Variants in ISM2 observed in about 807,000 individuals in gnomAD.
The protein encoded by ISM2 is isthmin 2, also known as isthmin-2.
Under a neutral mutation model 58.0 loss-of-function variants are expected in ISM2, and 50 were observed. The observed-to-expected ratio is 0.86, with a 90% CI of 0.69 to 1.09. The LOEUF (loss-of-function observed/expected upper bound fraction) is 1.09. Among genes scored for constraint, ISM2 ranks in the 50% least tolerant of loss-of-function variants. The pLI is 0.00. For missense variants in ISM2, 723 were observed against 745.0 expected, an observed-to-expected ratio of 0.97 and a Z score of 0.34; for synonymous variants, 303 against 312.4, an observed-to-expected ratio of 0.97 and a Z score of 0.32.
chr14:77,482,590 G>A lies in ISM2; in HGVS notation c.705C>T (p.Pro235=). 2 of 1,611,852 alleles carry A rather than the reference G, an allele frequency of 1.2e-6. No individual in the cohort carries two copies. Among genetic ancestry groups the A allele is most frequent in the Non-Finnish European group, 1.7e-6 (2 of 1,178,920 alleles). ...CGGGCAGCCAGCTAAGGGTATCCTG[G>A]GGCGGGGGATTGCTGGGCTCAGCCA... ...DLLAEPSNPP[P]QDTLSWLPAL... is the part of the protein sequence containing the mutation. Residue 235 remains proline, a synonymous_variant, in exon 4 of 7, where the codon CCC becomes CCT. Transcript: ENST00000342219.
At chr14:77,478,200 C>T (rs1176229195) in intron 6 of ISM2, 42 bp downstream of exon 6, 3 of 1,544,590 alleles carry the variant, frequency 1.9e-6, no homozygotes, top group Non-Finnish European at 2.7e-6. Context: ...CCTGAGAGCT[C>T]GTTCCCCAAA....
chr14:77,480,775 C>T (rs1416872941), intron 4 of ISM2, among the ~76,000 whole-genome samples: 1 of 151,672 alleles, frequency 6.6e-6, no homozygotes, highest in African/African-American at 2.4e-5. Context: ...CCAGACTGAT[C>T]ACAAACTCCT....
chr14:77,488,288 C>A (rs964367755), intron 1 of ISM2, among the ~76,000 whole-genome samples: 1 of 152,166 alleles, frequency 6.6e-6, no homozygotes, highest in Non-Finnish European at 1.5e-5. Flanking sequence ...AAAGATGAGG[C>A]TATGGAGGCT....
In ISM2 at chr14:77,482,643, G is replaced by T. The variant is rs538841207; in HGVS notation, c.652C>A (p.Pro218Thr). The T allele has an allele frequency of 1.9e-6, 3 of 1,562,258 alleles. No individual in the cohort carries two copies. The Admixed American group carries it at 5.5e-5, about 29-fold the overall frequency. Residue 218 changes from proline to threonine, a missense_variant, in exon 4 of 7, where the codon CCC becomes ACC. By Grantham distance (38) the Pro-to-Thr change is conservative. Transcript: ENST00000342219. ...NQVTIKVVED[P>T]QAEVSIDLLA... is the part of the protein sequence containing the mutation. ...AGGTCTATCGACACCTCGGCCTGGG[G>T]GTCCTCCACCACCTTGATGGTCACC...
At chr14:77,492,321 C>T (rs944123411) in intron 1 of ISM2, among the ~76,000 whole-genome samples, 101 of 152,142 alleles carry the variant, frequency 6.6e-4, no homozygotes, top group Non-Finnish European at 1.5e-4. Context: ...AGTGGGGATC[C>T]TGGCTCACCA....
At position 77,476,223 on chromosome 14, in the gene ISM2, T is replaced by G; in HGVS notation, c.1199-111A>C. ...GGGGAGAGAAGGCCCAGGCCCCAGC[T>G]GGTGCAAAGGCGTGGCTTGGTAGGG... is the stretch of plus-strand genomic sequence containing the variant. On this transcript the variant is annotated intron_variant, in intron 6 of 6. Coordinates refer to ENST00000342219, the MANE Select transcript of ISM2 (RefSeq NM_199296.3). 10 of 1,259,882 alleles carry G rather than the reference T, an allele frequency of 7.9e-6. No homozygotes were observed. In the South Asian group the frequency reaches 1.1e-4, roughly 14 times the overall value. The allele number at this position is 1,259,882 out of a possible 1,614,324, so 78.0% of individuals were successfully genotyped here. A position where few individuals can be genotyped will look rare whatever the true frequency, so the allele number is the denominator to read the frequency against.
intron 4 of ISM2, among the ~76,000 whole-genome samples, chr14:77,479,858 C>T (rs1417677174): frequency 1.3e-5 from 2 of 151,914 alleles, no homozygotes; most frequent in Non-Finnish European, 2.9e-5. Context: ...CGGGGTTTCA[C>T]CATGTTGCCC....
At chr14:77,498,397 C>G in intron 1 of ISM2, 1 of 1,295,134 alleles carries the variant, frequency 7.7e-7, no homozygotes. Flanking sequence ...TCACTCCGCA[C>G]AGAAGTCAAA....
At chr14:77,484,110 C>A in intron 3 of ISM2, 1 of 568,784 alleles carries the variant, frequency 1.8e-6, no homozygotes, top group Non-Finnish European at 3.0e-6. Flanking sequence ...CTCAAAGAGT[C>A]AAAAGACTTG....
intron 4 of ISM2, among the ~76,000 whole-genome samples, chr14:77,481,963 G>T (rs1429224013): frequency 6.6e-6 from 1 of 151,448 alleles, no homozygotes; most frequent in East Asian, 1.9e-4. Context: ...AGCCTGCCCT[G>T]GTGGTATGCA....
Position 77,482,639 on chromosome 14 carries a change from T to TG in ISM2, c.655dup (p.Gln219ProfsTer11), listed in dbSNP as rs1264686266. The TG allele has an allele frequency of 8.3e-6, 13 of 1,565,592 alleles. No homozygotes were observed. The highest frequency in any genetic ancestry group is 7.2e-5 in the South Asian group (6 of 82,782). On this transcript the variant is annotated frameshift_variant, in exon 4 of 7. Transcript: ENST00000342219. LOFTEE classifies it high-confidence loss of function. Reference sequence around the variant, plus strand: ...CAACAGGTCTATCGACACCTCGGCCTGGGGGTCCTCCACCACCTTGATGGT... The same window carrying TG: ...CAACAGGTCTATCGACACCTCGGCCTGGGGGGTCCTCCACCACCTTGATGGT...
chr14:77,492,572 T>G (rs1260715174), intron 1 of ISM2, among the ~76,000 whole-genome samples: 1 of 143,984 alleles, frequency 6.9e-6, no homozygotes. Flanking sequence ...CAGGATGGAG[T>G]ACAGTAGTGT....
chr14:77,487,069 C>A (rs914373870), intron 1 of ISM2, among the ~76,000 whole-genome samples: 2 of 151,496 alleles, frequency 1.3e-5, no homozygotes, highest in African/African-American at 4.9e-5. Context: ...TGGTGAAATC[C>A]TGTCCCTACT....
At chr14:77,487,387 C>A (rs572015794) in intron 1 of ISM2, among the ~76,000 whole-genome samples, 1 of 152,186 alleles carries the variant, frequency 6.6e-6, no homozygotes, top group Non-Finnish European at 1.5e-5. Flanking sequence ...AGAGAAGCCT[C>A]TGTGAGCTTC....
intron 3 of ISM2, chr14:77,482,960 C>A: frequency 3.3e-6 from 1 of 305,192 alleles, no homozygotes; most frequent in African/African-American, 2.1e-5. Context: ...TAACACATGC[C>A]AGGGTTGACA....
chr14:77,483,189 T>C (rs2079143528), intron 3 of ISM2, among the ~76,000 whole-genome samples: 2 of 152,164 alleles, frequency 1.3e-5, no homozygotes, highest in African/African-American at 4.8e-5. Context: ...AACATTAGGC[T>C]ATTCAATAAA....
chr14:77,479,985 A>C (rs2079121859), intron 4 of ISM2, among the ~76,000 whole-genome samples: 1 of 152,122 alleles, frequency 6.6e-6, no homozygotes, highest in African/African-American at 2.4e-5. Flanking sequence ...TGTCAATCAA[A>C]ACCAAGGGTG....
intron 5 of ISM2, 33 bp from the exon 6 acceptor site, chr14:77,478,358 C>T (rs1293162242): frequency 6.4e-7 from 1 of 1,570,976 alleles, no homozygotes. Context: ...GCTGGTGGCT[C>T]CGCAGGCCAC....
At chr14:77,489,431 G>T (rs1047608548) in intron 1 of ISM2, among the ~76,000 whole-genome samples, 3 of 152,116 alleles carry the variant, frequency 2.0e-5, no homozygotes, top group Admixed American at 2.0e-4. Context: ...TCTTTAGCCG[G>T]GCCTGAGACC....
Sources: allele counts gnomAD v4.1 joint callset (sites outside exome capture counted in the v4.1 genomes callset), GRCh38; gene constraint gnomAD v4.1.1; transcripts MANE v1.5; gene names NCBI Gene and HGNC (gene_info 2026-07-23, HGNC 2026-07-21).